Variants in MROH9 observed in about 807,000 individuals in gnomAD.
MROH9 encodes the protein maestro heat-like repeat-containing protein family member 9.
A neutral mutation model predicts 98.2 loss-of-function variants in MROH9; 92 were observed. That is an observed-to-expected ratio of 0.94 (90% CI 0.79 to 1.11). MROH9 has a LOEUF of 1.11. Among genes scored for constraint, MROH9 ranks in the 50% most tolerant of loss-of-function variants. The pLI, the probability that MROH9 is intolerant of heterozygous loss-of-function variation, is 0.00. For missense variants in MROH9, 1,057 were observed against 1,014.8 expected, an observed-to-expected ratio of 1.04 and a Z score of -0.57; for synonymous variants, 397 against 368.9, an observed-to-expected ratio of 1.08 and a Z score of -0.87.
intron 20 of MROH9, among the ~76,000 whole-genome samples, chr1:171,055,531 T>C (rs376568559): frequency 3.4e-5 from 5 of 147,788 alleles, no homozygotes; most frequent in African/African-American, 1.3e-4. Flanking sequence ...GCTGAGGCAG[T>C]AGAATCGCTA....
chr1:171,016,090 G>A (rs1038962637), intron 16 of MROH9, 73 bp from the exon 17 acceptor site: 2 of 1,059,298 alleles, frequency 1.9e-6, no homozygotes, highest in Non-Finnish European at 2.5e-6. Context: ...CCAGACTCAA[G>A]GTATCCATAT....
At chr1:171,052,852 C>G (rs975368891) in intron 20 of MROH9, among the ~76,000 whole-genome samples, 1 of 152,098 alleles carries the variant, frequency 6.6e-6, no homozygotes, top group Non-Finnish European at 1.5e-5. Flanking sequence ...TGAAAATACG[C>G]CTTAGTAGGG....
At chr1:170,986,191 C>T (rs997978154) in intron 9 of MROH9, among the ~76,000 whole-genome samples, 4 of 152,070 alleles carry the variant, frequency 2.6e-5, no homozygotes, top group African/African-American at 9.7e-5. Context: ...CCTTTGATTC[C>T]CTTGACTTCC....
chr1:171,021,322 A>T (rs773452446), intron 17 of MROH9, among the ~76,000 whole-genome samples: 11 of 152,190 alleles, frequency 7.2e-5, no homozygotes, highest in African/African-American at 2.4e-4. Context: ...AGCACAAAGA[A>T]CAAAGCTGAA....
intron 20 of MROH9, among the ~76,000 whole-genome samples, chr1:171,047,721 TG>T (rs1653510868): frequency 6.6e-6 from 1 of 152,206 alleles, no homozygotes; most frequent in South Asian, 2.1e-4. Context: ...TGATAGCAGA[TG>T]TTCTTCACTG....
intron 20 of MROH9, among the ~76,000 whole-genome samples, chr1:171,060,652 G>A (rs780588843): frequency 2.0e-5 from 3 of 152,068 alleles, no homozygotes; most frequent in African/African-American, 4.8e-5. Context: ...AGGTAAGAAC[G>A]ATTTTTCTCT....
chr1:171,015,262 G>A (rs967600941), intron 16 of MROH9: 1 of 322,912 alleles, frequency 3.1e-6, no homozygotes, highest in Non-Finnish European at 6.0e-6. Context: ...TTTACCAGTG[G>A]TGTACATTAT....
At chr1:170,962,605 C>T (rs1650058437) in intron 6 of MROH9, among the ~76,000 whole-genome samples, 1 of 151,962 alleles carries the variant, frequency 6.6e-6, no homozygotes, top group African/African-American at 2.4e-5. Flanking sequence ...CTACCAGGAG[C>T]ATCTATGAGC....
chr1:170,954,098 G>A (rs1424377288), intron 3 of MROH9, among the ~76,000 whole-genome samples: 1 of 151,920 alleles, frequency 6.6e-6, no homozygotes, highest in Non-Finnish European at 1.5e-5. Flanking sequence ...TTCTGTAGAA[G>A]TCTTTATCTT....
chr1:171,014,860 AC>A (rs561671607), intron 16 of MROH9: 1 of 404,226 alleles, frequency 2.5e-6, no homozygotes, highest in South Asian at 1.9e-5. Context: ...GTGAGGCCCC[AC>A]CCCCGTCCTA....
intron 3 of MROH9, among the ~76,000 whole-genome samples, chr1:170,956,906 A>G (rs1649784269): frequency 6.6e-6 from 1 of 151,772 alleles, no homozygotes; most frequent in Non-Finnish European, 1.5e-5. Context: ...AGGAGTGGTG[A>G]GAGTGGGCAT....
At chr1:171,044,806 A>G (rs1653410042) in intron 20 of MROH9, among the ~76,000 whole-genome samples, 1 of 151,308 alleles carries the variant, frequency 6.6e-6, no homozygotes, top group African/African-American at 2.4e-5. Flanking sequence ...AGCAGTTTTA[A>G]TGTCTCCTTT....
At chr1:170,981,978 A>G (rs1296553503) in intron 8 of MROH9, among the ~76,000 whole-genome samples, 2 of 152,198 alleles carry the variant, frequency 1.3e-5, no homozygotes, top group Non-Finnish European at 2.9e-5. Context: ...GAGCTCACAT[A>G]CATTGCGGGT....
In MROH9 at chr1:171,009,100, G is replaced by T. The variant is rs138053123; in HGVS notation, c.1597-5017G>T. On this transcript the variant is annotated intron_variant, in intron 15 of 21. Transcript: ENST00000367759. ...GGAGAGAAAACAAAAAGATAAACTAGATATTAAAGAAACTGGTTACTTTAA... is the reference window on the plus strand; with the variant it reads ...GGAGAGAAAACAAAAAGATAAACTATATATTAAAGAAACTGGTTACTTTAA... Among the ~76,000 whole-genome samples the T allele has an allele frequency of 4.6e-3, 700 of 151,442 alleles. 3 individuals carry two copies. The highest frequency in any genetic ancestry group is 0.016 in the African/African-American group (662 of 41,422).
At chr1:170,979,210 T>C (rs918497836) in intron 8 of MROH9, among the ~76,000 whole-genome samples, 5 of 152,238 alleles carry the variant, frequency 3.3e-5, no homozygotes, top group Non-Finnish European at 5.9e-5. Flanking sequence ...TGCAGTGATC[T>C]GAAACCAAAC....
chr1:171,061,230 G>A (rs537926063), intron 20 of MROH9, among the ~76,000 whole-genome samples: 32 of 152,260 alleles, frequency 2.1e-4, no homozygotes, highest in Admixed American at 5.9e-4. Context: ...TCAATTGTTC[G>A]GAGGACATAG....
chr1:171,057,725 C>T (rs1397371913), intron 20 of MROH9, among the ~76,000 whole-genome samples: 1 of 152,128 alleles, frequency 6.6e-6, no homozygotes, highest in Admixed American at 6.5e-5. Flanking sequence ...AGAGAAAGGC[C>T]AGGTCACCTA....
chr1:171,051,417 A>AATG (rs1653660275), intron 20 of MROH9, among the ~76,000 whole-genome samples: 1 of 152,176 alleles, frequency 6.6e-6, no homozygotes, highest in Admixed American at 6.5e-5. Flanking sequence ...CATAAAAAGG[A>AATG]ATGAGATCAT....
At chr1:170,977,620 C>T (rs1426551528) in intron 8 of MROH9, among the ~76,000 whole-genome samples, 1 of 152,162 alleles carries the variant, frequency 6.6e-6, no homozygotes, top group Admixed American at 6.5e-5. Context: ...AGCAGCTGTG[C>T]TTCTTCTCAG....
Sources: allele counts gnomAD v4.1 joint callset (sites outside exome capture counted in the v4.1 genomes callset), GRCh38; gene constraint gnomAD v4.1.1; transcripts MANE v1.5; gene names NCBI Gene and HGNC (gene_info 2026-07-23, HGNC 2026-07-21).